Variants in ZFYVE9 observed in about 807,000 individuals in gnomAD.
ZFYVE9 encodes the protein zinc finger FYVE-type containing 9.
ZFYVE9 carries 43 observed loss-of-function variants against 126.7 expected under a neutral mutation model. That is an observed-to-expected ratio of 0.34 (90% CI 0.27 to 0.44). ZFYVE9 has a LOEUF of 0.44. Ranked by LOEUF, ZFYVE9 falls within the 20% of genes least tolerant of loss-of-function variation. ZFYVE9 has a pLI of 1.00. For synonymous variants in ZFYVE9, 521 were observed against 597.4 expected (o/e 0.87, Z 1.87); for missense variants, 1,476 against 1,697.0 (o/e 0.87, Z 2.29).
Position 52,142,479 on chromosome 1 carries a change from C to G in ZFYVE9, c.-143+76C>G, listed in dbSNP as rs1644267929. On this transcript the variant is annotated intron_variant, in intron 1 of 18. Transcript: ENST00000287727. This position sits in a 1 kb window ranked among gnomAD's most constrained non-coding sequence, Gnocchi z 4.5. ...GGGGGCCCTGGCGGCAGACCGCGGG[C>G]CGGGCGGACGGGGCGTCCTGCCACT... The G allele has an allele frequency of 6.6e-6, 1 of 152,116 alleles. No homozygotes were observed. The highest frequency in any genetic ancestry group is 6.5e-5 in the Admixed American group (1 of 15,280). 9.4% of individuals were successfully genotyped at this position (152,116 alleles called of 1,614,324 possible). A position where few individuals can be genotyped will look rare whatever the true frequency, so the allele number is the denominator to read the frequency against.
chr1:52,345,958 G>T (rs1316862545), intron 18 of ZFYVE9, 102 bp from the exon 19 acceptor site: 6 of 1,265,434 alleles, frequency 4.7e-6, no homozygotes, highest in Admixed American at 2.5e-5. Flanking sequence ...TTAGCCTATG[G>T]CCAAAAAGGA....
intron 13 of ZFYVE9, among the ~76,000 whole-genome samples, chr1:52,319,629 AAAAT>A (rs956839342): frequency 6.0e-5 from 9 of 150,730 alleles, no homozygotes; most frequent in Admixed American, 1.3e-4. Flanking sequence ...TCTCAAAAAA[AAAAT>A]AAAATAAAAA....
At chr1:52,250,365 C>A (rs1327465885) in intron 4 of ZFYVE9, among the ~76,000 whole-genome samples, 1 of 151,852 alleles carries the variant, frequency 6.6e-6, no homozygotes, top group South Asian at 2.1e-4. Flanking sequence ...GTATTTTATT[C>A]TTTTTGATGC....
chr1:52,201,374 ATTTTT>A (rs11344134), intron 1 of ZFYVE9, among the ~76,000 whole-genome samples: 1 of 91,274 alleles, frequency 1.1e-5, no homozygotes, highest in East Asian at 3.2e-4. Flanking sequence ...GTTTTTGGTA[ATTTTT>A]TTTTTTTTTT....
intron 7 of ZFYVE9, among the ~76,000 whole-genome samples, chr1:52,269,172 C>T (rs547088588): frequency 9.9e-5 from 15 of 152,162 alleles, no homozygotes; most frequent in Non-Finnish European, 1.6e-4. Context: ...CTCTGTTGCC[C>T]GGGCTGCAGT....
intron 12 of ZFYVE9, among the ~76,000 whole-genome samples, chr1:52,298,778 G>T (rs1173313779): frequency 6.7e-6 from 1 of 148,978 alleles, no homozygotes; most frequent in East Asian, 2.0e-4. Flanking sequence ...TCCAATCCAT[G>T]AACATGGAAT....
intron 11 of ZFYVE9, 77 bp downstream of exon 11, chr1:52,293,754 G>A: frequency 2.2e-6 from 3 of 1,375,466 alleles, no homozygotes; most frequent in Non-Finnish European, 2.0e-6. Context: ...TCTGTTTGGT[G>A]ATATAATTCA....
At chr1:52,156,173 T>C (rs1572060525) in intron 1 of ZFYVE9, among the ~76,000 whole-genome samples, 1 of 152,350 alleles carries the variant, frequency 6.6e-6, no homozygotes, top group East Asian at 1.9e-4. Context: ...GAACTGCTTC[T>C]GATCCTCTTT....
rs199661772 is a variant in ZFYVE9, at chr1:52,144,629, C to CTT, written c.-143+2241_-143+2242dup. On this transcript the variant is annotated intron_variant, in intron 1 of 18. Transcript: ENST00000287727. Reference sequence around the variant, plus strand: ...CTTTAGTGGCAATAGTCATTTCTTTCTTTTTTTTTTTTTTTTACTTCCTTG... The same window carrying CTT: ...CTTTAGTGGCAATAGTCATTTCTTTCTTTTTTTTTTTTTTTTTTACTTCCTTG... Among the ~76,000 whole-genome samples, 43 of 136,236 alleles carry CTT rather than the reference C, an allele frequency of 3.2e-4. No individual in the cohort carries two copies. The East Asian group carries it at 3.4e-3, about 11-fold the overall frequency. 89.4% of individuals were successfully genotyped at this position (136,236 alleles called of 152,430 possible).
intron 2 of ZFYVE9, among the ~76,000 whole-genome samples, chr1:52,232,826 T>G (rs1645236651): frequency 6.6e-6 from 1 of 151,402 alleles, no homozygotes; most frequent in African/African-American, 2.4e-5. Context: ...TAAACTTCCC[T>G]GTCATTTCCC....
chr1:52,304,298 T>C (rs1452729940), intron 13 of ZFYVE9, among the ~76,000 whole-genome samples: 1 of 152,176 alleles, frequency 6.6e-6, no homozygotes, highest in Non-Finnish European at 1.5e-5. Flanking sequence ...AGTCTCACTG[T>C]GTCGCCCAGG....
At chr1:52,152,032 C>G (rs1217726727) in intron 1 of ZFYVE9, among the ~76,000 whole-genome samples, 1 of 152,086 alleles carries the variant, frequency 6.6e-6, no homozygotes, top group Non-Finnish European at 1.5e-5. Flanking sequence ...TCTTGTTACC[C>G]AGGCTGGAGT....
At chr1:52,263,545 A>G (rs1308115890) in intron 4 of ZFYVE9, among the ~76,000 whole-genome samples, 2 of 152,102 alleles carry the variant, frequency 1.3e-5, no homozygotes, top group Non-Finnish European at 2.9e-5. Context: ...ATCTTAGTTA[A>G]GATTTTTATT....
chr1:52,336,431 C>A (rs1042103501), intron 15 of ZFYVE9, among the ~76,000 whole-genome samples: 1 of 123,082 alleles, frequency 8.1e-6, no homozygotes, highest in Non-Finnish European at 1.6e-5. Flanking sequence ...GTGGCACAAT[C>A]TTGGCTCACT....
intron 1 of ZFYVE9, chr1:52,162,453 G>T: frequency 4.0e-6 from 1 of 251,504 alleles, no homozygotes; most frequent in South Asian, 6.3e-5. Context: ...TAATCCACCC[G>T]AATTTCTTCT....
At chr1:52,287,837 A>C (rs533405027) in intron 10 of ZFYVE9, among the ~76,000 whole-genome samples, 4 of 152,292 alleles carry the variant, frequency 2.6e-5, no homozygotes, top group Non-Finnish European at 5.9e-5. Flanking sequence ...ACTGCATTAC[A>C]GCTTGAGTGA....
chr1:52,242,184 A>T (rs1451952563), intron 4 of ZFYVE9, among the ~76,000 whole-genome samples: 1 of 152,054 alleles, frequency 6.6e-6, no homozygotes, highest in Admixed American at 6.5e-5. Context: ...GGCATGCGCC[A>T]ACGGGCCTGG....
chr1:52,155,772 A>G (rs1264330060), intron 1 of ZFYVE9, among the ~76,000 whole-genome samples: 1 of 152,162 alleles, frequency 6.6e-6, no homozygotes, highest in Non-Finnish European at 1.5e-5. Flanking sequence ...TGGATATAGA[A>G]TGTGTTACTT....
At chr1:52,282,449 A>T (rs1645814250) in intron 10 of ZFYVE9, among the ~76,000 whole-genome samples, 1 of 152,202 alleles carries the variant, frequency 6.6e-6, no homozygotes, top group African/African-American at 2.4e-5. Flanking sequence ...GGTGTAATTG[A>T]ACTATTCTCG....
Sources: allele counts gnomAD v4.1 joint callset (sites outside exome capture counted in the v4.1 genomes callset), GRCh38; gene constraint gnomAD v4.1.1; non-coding constraint Gnocchi (gnomAD v3.1); transcripts MANE v1.5; gene names NCBI Gene and HGNC (gene_info 2026-07-23, HGNC 2026-07-21).